The following BEND6 variants were observed in gnomAD, a reference collection of about 807,000 sequenced individuals.
BEND6 encodes the protein BEN domain-containing protein 6.
A neutral mutation model predicts 31.8 loss-of-function variants in BEND6; 24 were observed. The ratio of observed to expected loss-of-function variants is 0.75; its 90% confidence interval spans 0.55 to 1.06. BEND6 has a LOEUF of 1.06. Ranked by LOEUF, BEND6 falls within the 50% of genes least tolerant of loss-of-function variation. BEND6 has a pLI of 0.00. For synonymous variants in BEND6, 109 were observed against 114.6 expected, an observed-to-expected ratio of 0.95 and a Z score of 0.31; for missense variants, 294 against 327.4, an observed-to-expected ratio of 0.90 and a Z score of 0.79.
At chr6:56,972,437 T>C (rs909164480) in intron 1 of BEND6, among the ~76,000 whole-genome samples, 3 of 152,184 alleles carry the variant, frequency 2.0e-5, no homozygotes, top group African/African-American at 7.2e-5. Context: ...AATTTGTTTT[T>C]AATGATTTTG....
chr6:57,008,425 C>T (rs985370839), intron 3 of BEND6: 1 of 576,958 alleles, frequency 1.7e-6, no homozygotes, highest in Non-Finnish European at 3.1e-6. Flanking sequence ...CAAGGCAGTG[C>T]TGTGGAAATC....
intron 4 of BEND6, among the ~76,000 whole-genome samples, chr6:57,016,661 C>A (rs2127891839): frequency 6.6e-6 from 1 of 152,226 alleles, no homozygotes; most frequent in African/African-American, 2.4e-5. Flanking sequence ...TCAGATCTTC[C>A]CTCCCTCTTC....
At chr6:56,990,055 A>C (rs547506035) in intron 2 of BEND6, among the ~76,000 whole-genome samples, 1 of 152,054 alleles carries the variant, frequency 6.6e-6, no homozygotes, top group East Asian at 1.9e-4. Context: ...ATCCATCTGA[A>C]GTTGTGTATG....
rs113465738 is a variant in BEND6 at position 56,992,503 on chromosome 6, A to G, written c.246A>G (p.Thr82=). The G allele has an allele frequency of 1.5e-4, 238 of 1,614,102 alleles. 2 individuals carry two copies. The African/African-American group carries it at 2.1e-3, about 14-fold the overall frequency. The change falls in exon 3 of 7, where the codon ACA becomes ACG. Residue 82 remains threonine, a synonymous_variant. Transcript: ENST00000370746. The part of the protein sequence containing the change: ...AKIKSLKEKL[T]NTRKENSRLR... ...TAAAAAGCCTGAAAGAAAAACTAAC[A>G]AACACCCGGAAAGAAAACAGCCGAC... is the stretch of plus-strand genomic sequence containing the variant.
At chr6:56,972,770 T>C (rs1165729886) in intron 1 of BEND6, among the ~76,000 whole-genome samples, 2 of 152,208 alleles carry the variant, frequency 1.3e-5, no homozygotes, top group Non-Finnish European at 2.9e-5. Flanking sequence ...ATAGACTGGG[T>C]GGCTTAAACA....
At chr6:56,984,611 T>C (rs1313764401) in intron 2 of BEND6, among the ~76,000 whole-genome samples, 1 of 152,260 alleles carries the variant, frequency 6.6e-6, no homozygotes, top group Non-Finnish European at 1.5e-5. Context: ...AAGAACTTAA[T>C]AGCTTTCTAA....
rs1401060753 is a variant in BEND6, at chr6:56,981,865, G to C, written c.55G>C (p.Gly19Arg). 4.5e-5 allele frequency: 73 copies of C among 1,612,538 alleles called. No homozygotes were observed. Among genetic ancestry groups the C allele is most frequent in the Non-Finnish European group, 6.0e-5 (71 of 1,179,304 alleles). The change falls in exon 2 of 7, where the codon GGA becomes CGA. Residue 19 changes from glycine (G) to arginine (R), a missense_variant. Physicochemically the swap from Gly to Arg is moderately radical, Grantham distance 125. Coordinates refer to ENST00000370746, the MANE Select transcript of BEND6 (RefSeq NM_152731.3). Reference protein sequence around the residue: ...EITNTQAFRKGKRKRTETMDS... With the variant: ...EITNTQAFRKRKRKRTETMDS... ...TACCAATACACAAGCTTTTAGAAAA[G>C]GAAAGAGGAAAAGAACAGAGACAAT...
intron 5 of BEND6, 33 bp downstream of exon 5, chr6:57,017,432 A>G (rs1340570891): frequency 3.1e-5 from 40 of 1,290,546 alleles, no homozygotes; most frequent in Non-Finnish European, 4.0e-5. Context: ...TTGTCGTATG[A>G]ATTTTAAATC....
At position 57,015,168 on chromosome 6, in the gene BEND6, G is replaced by C; in HGVS notation, c.334G>C (p.Val112Leu). The change falls in exon 4 of 7, where the codon GTT (valine) becomes CTT (leucine). Residue 112 changes from valine (V) to leucine (L), a missense_variant. Val to Leu is a conservative substitution (Grantham distance 32, BLOSUM62 1). Coordinates refer to ENST00000370746, the MANE Select transcript of BEND6 (RefSeq NM_152731.3). ...AGCAGTCACCCAGTTTGAAGAATTGGTTGGTATGGCCGAGGCTCTGCTTAA... is the reference window on the plus strand; with the variant it reads ...AGCAGTCACCCAGTTTGAAGAATTGCTTGGTATGGCCGAGGCTCTGCTTAA... The part of the protein sequence containing the change: ...PQAVTQFEEL[V>L]GMAEALLKGG... 6.2e-7 allele frequency: 1 copy of C among 1,614,144 alleles called. No individual in the cohort carries two copies. The highest frequency in any genetic ancestry group is 8.5e-7 in the Non-Finnish European group (1 of 1,180,016).
intron 3 of BEND6, among the ~76,000 whole-genome samples, chr6:56,992,924 C>A (rs1367376802): frequency 6.6e-6 from 1 of 152,090 alleles, no homozygotes; most frequent in Non-Finnish European, 1.5e-5. Context: ...CTTAGGTCAC[C>A]CCTGTCTGCT....
At chr6:56,988,286 G>C (rs1283088136) in intron 2 of BEND6, among the ~76,000 whole-genome samples, 1 of 152,112 alleles carries the variant, frequency 6.6e-6, no homozygotes, top group Admixed American at 6.5e-5. Flanking sequence ...AAAGTGCTGA[G>C]ATTACAGGCG....
At chr6:57,014,197 G>A (rs1001520006) in intron 3 of BEND6, among the ~76,000 whole-genome samples, 3 of 152,156 alleles carry the variant, frequency 2.0e-5, no homozygotes, top group Non-Finnish European at 4.4e-5. Context: ...CATGAGAGGT[G>A]CTTAATAAAT....
intron 1 of BEND6, among the ~76,000 whole-genome samples, chr6:56,956,564 C>T (rs1484285676): frequency 6.6e-6 from 1 of 152,180 alleles, no homozygotes; most frequent in Non-Finnish European, 1.5e-5. Context: ...AATAAACATT[C>T]GAATTGTTGA....
At chr6:57,024,324 T>C (rs1446728269) in intron 6 of BEND6, among the ~76,000 whole-genome samples, 1 of 152,220 alleles carries the variant, frequency 6.6e-6, no homozygotes, top group Admixed American at 6.5e-5. Context: ...CCTTCAGATG[T>C]TTTGTTCTTG....
At chr6:56,989,206 T>C (rs994581810) in intron 2 of BEND6, among the ~76,000 whole-genome samples, 15 of 150,850 alleles carry the variant, frequency 9.9e-5, no homozygotes, top group Non-Finnish European at 2.2e-4. Flanking sequence ...GTTTTATCTG[T>C]TCTTAAACTT....
Position 57,017,194 on chromosome 6 carries a change from C to G in BEND6, c.520-13C>G. On this transcript the variant is annotated splice_polypyrimidine_tract_variant and intron_variant, in intron 4 of 6. Transcript: ENST00000370746. ...TTTCTTTTTCCAACTTCAACTCTTT[C>G]TTATCTTTTTAGTTCCAGATTGAAA... 1.9e-6 allele frequency: 3 copies of G among 1,565,656 alleles called. No homozygotes were observed. Among genetic ancestry groups the G allele is most frequent in the African/African-American group, 2.8e-5 (2 of 71,760 alleles).
At chr6:57,003,035 G>A (rs935459513) in intron 3 of BEND6, among the ~76,000 whole-genome samples, 7 of 151,998 alleles carry the variant, frequency 4.6e-5, no homozygotes, top group East Asian at 3.8e-4. Context: ...TACAACTGAC[G>A]CCACAGAAAT....
At chr6:57,017,529 G>T (rs763709883) in intron 5 of BEND6, 130 bp downstream of exon 5, 7 of 723,044 alleles carry the variant, frequency 9.7e-6, no homozygotes, top group Non-Finnish European at 1.3e-5. Flanking sequence ...TCTTAGGATA[G>T]TCTAAAGCTC....
chr6:56,956,440 CGT>C (rs1009738968), intron 1 of BEND6, among the ~76,000 whole-genome samples: 10 of 152,142 alleles, frequency 6.6e-5, no homozygotes, highest in African/African-American at 2.4e-4. Flanking sequence ...AACATATTAC[CGT>C]GTGTAAGTAT....
Sources: allele counts gnomAD v4.1 joint callset (sites outside exome capture counted in the v4.1 genomes callset), GRCh38; gene constraint gnomAD v4.1.1; transcripts MANE v1.5; gene names NCBI Gene and HGNC (gene_info 2026-07-23, HGNC 2026-07-21).